The following NAT10 variants were observed in gnomAD, a reference collection of about 807,000 sequenced individuals.
NAT10 encodes the protein N-acetyltransferase 10.
In NAT10, 109 loss-of-function variants were observed where a neutral mutation model predicts 132.2. The ratio of observed to expected loss-of-function variants is 0.82; its 90% CI spans 0.71 to 0.97. The LOEUF is 0.97. Among genes scored for constraint, NAT10 ranks in the 50% least tolerant of loss-of-function variants. The pLI, the probability that NAT10 is intolerant of heterozygous loss-of-function variation, is 0.00. For missense variants in NAT10, 1,184 were observed against 1,263.4 expected (o/e 0.94, Z 0.95); for synonymous variants, 479 against 478.0 (o/e 1.00, Z -0.03).
intron 8 of NAT10, among the ~76,000 whole-genome samples, chr11:34,121,098 C>T (rs1648468939): frequency 6.6e-6 from 1 of 152,160 alleles, no homozygotes; most frequent in Non-Finnish European, 1.5e-5. Context: ...ACTGGCAGGG[C>T]TTTCACACTT....
At chr11:34,119,016 A>G (rs942029229) in intron 8 of NAT10, among the ~76,000 whole-genome samples, 2 of 152,252 alleles carry the variant, frequency 1.3e-5, no homozygotes, top group Non-Finnish European at 2.9e-5. Flanking sequence ...GCTTTTGCCT[A>G]TAGCTTATTC....
Position 34,141,068 on chromosome 11 carries a change from A to G in NAT10, c.2593-21A>G. 1.2e-6 allele frequency: 2 copies of G among 1,614,002 alleles called. 1 individual carries two copies. Among genetic ancestry groups the G allele is most frequent in the South Asian group, 2.2e-5 (2 of 91,072 alleles). ...AAGGGCGTGTCCTAGAGGCCCACCC[A>G]GCAGATTTTCCATCCTTTAGGCTCT... On this transcript the variant is annotated intron_variant, in intron 24 of 28. Transcript: ENST00000257829.
chr11:34,112,274 T>A (rs749724641), intron 4 of NAT10, 51 bp downstream of exon 4: 4 of 1,607,554 alleles, frequency 2.5e-6, no homozygotes, highest in Non-Finnish European at 3.4e-6. Context: ...TGAGGGTTGC[T>A]TGGGCTGCCT....
intron 3 of NAT10, among the ~76,000 whole-genome samples, chr11:34,110,657 A>T (rs995412598): frequency 8.2e-6 from 1 of 122,216 alleles, no homozygotes; most frequent in Non-Finnish European, 1.7e-5. Context: ...CTTTTAACTG[A>T]TTTAGCATGT....
At position 34,133,035 on chromosome 11, in the gene NAT10, A is replaced by G. The variant is rs1407152294; in HGVS notation, c.1627A>G (p.Asn543Asp). Residue 543 changes from asparagine to aspartate, a missense_variant, in exon 16 of 29, where the codon AAT becomes GAT. Coordinates refer to ENST00000257829, the MANE Select transcript of NAT10 (RefSeq NM_024662.3). Reference sequence around the variant, plus strand: ...TGTTTGGCTTCCACAGAACTCTCCCAATGATCTCCAGATGCTCTCCGATGC... The same window carrying G: ...TGTTTGGCTTCCACAGAACTCTCCCGATGATCTCCAGATGCTCTCCGATGC... ...YVASHYKNSP[N>D]DLQMLSDAPA... The G allele has an allele frequency of 1.2e-6, 2 of 1,613,944 alleles. No individual in the cohort carries two copies. Among genetic ancestry groups the G allele is most frequent in the African/African-American group, 1.3e-5 (1 of 75,014 alleles).
rs752914219 is a variant in NAT10 at position 34,134,337 on chromosome 11, A to C, written c.1753A>C (p.Ile585Leu). Residue 585 changes from isoleucine (I) to leucine (L), a missense_variant, in exon 17 of 29, where the codon ATT becomes CTT. By Grantham distance (5) the Ile-to-Leu change is conservative. Transcript: ENST00000257829. ...CCCACAGGTGTGCCTTGAAGGGGAG[A>C]TTTCTCGCCAGTCCATCTTGAACAG... ...AVIQVCLEGE[I>L]SRQSILNSLS... The C allele has an allele frequency of 6.2e-7, 1 of 1,614,136 alleles. No individual in the cohort carries two copies. Among genetic ancestry groups the C allele is most frequent in the South Asian group, 1.1e-5 (1 of 91,078 alleles).
chr11:34,123,085 C>T (rs904509563), intron 9 of NAT10, among the ~76,000 whole-genome samples: 4 of 152,202 alleles, frequency 2.6e-5, no homozygotes, highest in Non-Finnish European at 5.9e-5. Context: ...TATGTTCTTC[C>T]AACTTCTCGG....
At chr11:34,138,491 C>T (rs1305204944) in intron 21 of NAT10, among the ~76,000 whole-genome samples, 2 of 152,158 alleles carry the variant, frequency 1.3e-5, no homozygotes, top group East Asian at 3.9e-4. Flanking sequence ...TGCTTCCGTG[C>T]AGGCAGGGAG....
chr11:34,123,119 A>G (rs1421922963), intron 9 of NAT10, among the ~76,000 whole-genome samples: 1 of 152,140 alleles, frequency 6.6e-6, no homozygotes, highest in Non-Finnish European at 1.5e-5. Context: ...CCTAGAACTT[A>G]CTGTGTTTGC....
Position 34,139,306 on chromosome 11 carries a change from T to TTTGGGGGAGACAATGAGGTGA in NAT10, c.2308+27_2308+47dup. 1 of 1,612,934 alleles carries TTTGGGGGAGACAATGAGGTGA rather than the reference T, an allele frequency of 6.2e-7. No individual in the cohort carries two copies. Among genetic ancestry groups the TTTGGGGGAGACAATGAGGTGA allele is most frequent in the Non-Finnish European group, 8.5e-7 (1 of 1,179,338 alleles). On this transcript the variant is annotated intron_variant, in intron 22 of 28. Coordinates refer to ENST00000257829, the MANE Select transcript of NAT10 (RefSeq NM_024662.3). ...TGGAAAGGTGACTGAGGAGTAGGGG[T>TTTGGGGGAGACAATGAGGTGA]TTGGGGGAGACAATGAGGTGATTGG...
intron 3 of NAT10, among the ~76,000 whole-genome samples, chr11:34,110,635 T>C (rs939561481): frequency 1.3e-5 from 2 of 151,384 alleles, no homozygotes; most frequent in African/African-American, 4.9e-5. Context: ...TATTTATCTT[T>C]GTATTTTCAT....
At chr11:34,123,039 A>C (rs945949768) in intron 9 of NAT10, among the ~76,000 whole-genome samples, 6 of 152,104 alleles carry the variant, frequency 3.9e-5, no homozygotes, top group Admixed American at 3.9e-4. Context: ...GTTTTTTTCT[A>C]CTGGGTTTGG....
At chr11:34,116,624 TCGCTCTGTTGCC>T (rs1320463622) in intron 6 of NAT10, among the ~76,000 whole-genome samples, 5 of 152,048 alleles carry the variant, frequency 3.3e-5, no homozygotes, top group African/African-American at 1.2e-4. Context: ...AGACAGAGTC[TCGCTCTGTTGCC>T]CAGGCTGGAG....
At chr11:34,115,191 CAG>C (rs1228300524) in intron 5 of NAT10, among the ~76,000 whole-genome samples, 3 of 152,104 alleles carry the variant, frequency 2.0e-5, no homozygotes, top group Non-Finnish European at 4.4e-5. Context: ...TTGATGGGAA[CAG>C]AGAGTTAGTT....
intron 21 of NAT10, 108 bp downstream of exon 21, chr11:34,137,134 A>T: frequency 8.0e-7 from 1 of 1,249,738 alleles, no homozygotes; most frequent in African/African-American, 1.5e-5. Flanking sequence ...CGCTCTGAGC[A>T]GGTGGCTGTG....
At position 34,122,527 on chromosome 11, in the gene NAT10, A is replaced by G. The variant is rs1345466997; in HGVS notation, c.849A>G (p.Thr283=). 1 of 1,614,224 alleles carries G rather than the reference A, an allele frequency of 6.2e-7. No individual in the cohort carries two copies. Among genetic ancestry groups the G allele is most frequent in the Non-Finnish European group, 8.5e-7 (1 of 1,180,044 alleles). Residue 283 remains threonine, a synonymous_variant, in exon 9 of 29, where the codon ACA becomes ACG. Coordinates refer to ENST00000257829, the MANE Select transcript of NAT10 (RefSeq NM_024662.3). ...CCCTGAGGAGTACTGTTGCACTCAC[A>G]GCTGCTCGAGGACGGGGAAAATCTG... ...EKTLRSTVAL[T]AARGRGKSAA...
chr11:34,106,023 C>G (rs903712520), intron 1 of NAT10: 6 of 152,380 alleles, frequency 3.9e-5, no homozygotes, highest in African/African-American at 1.4e-4. Flanking sequence ...ATTTGCGTGG[C>G]TCGATAACCA....
chr11:34,130,018 TATGTG>T (rs1333524776), intron 12 of NAT10, among the ~76,000 whole-genome samples: 2 of 152,132 alleles, frequency 1.3e-5, no homozygotes, highest in African/African-American at 2.4e-5. Context: ...AGAGCTTTGT[TATGTG>T]GTGTGGAGAG....
At chr11:34,133,239 CTG>C (rs1364293570) in intron 16 of NAT10, 97 bp downstream of exon 16, 5 of 951,000 alleles carry the variant, frequency 5.3e-6, no homozygotes, top group Non-Finnish European at 8.4e-6. Context: ...AGTTTTGAAA[CTG>C]TGGAGTCCTG....
Sources: gnomAD v4.1 joint callset for allele counts (sites outside exome capture counted in the v4.1 genomes callset) on GRCh38, gnomAD v4.1.1 for gene constraint, MANE v1.5 for transcripts, NCBI Gene and HGNC (gene_info 2026-07-23, HGNC 2026-07-21) for gene names.